Variants in HERC1 observed in about 807,000 individuals in gnomAD.
HERC1 encodes probable E3 ubiquitin-protein ligase HERC1.
In HERC1, 160 loss-of-function variants were observed where a neutral mutation model predicts 554.3. That is an observed-to-expected ratio of 0.29 (90% confidence interval 0.25 to 0.33). HERC1 has a LOEUF of 0.33. Ranked by LOEUF, HERC1 falls within the 10% of genes least tolerant of loss-of-function variation. HERC1 has a pLI of 1.00. For missense variants in HERC1, 4,919 were observed against 5,918.5 expected, an observed-to-expected ratio of 0.83 and a Z score of 5.54; for synonymous variants, 2,175 against 2,131.7, an observed-to-expected ratio of 1.02 and a Z score of -0.56.
At chr15:63,636,232 A>T in intron 64 of HERC1, 90 bp from the exon 65 acceptor site, 1 of 1,069,314 alleles carries the variant, frequency 9.4e-7, no homozygotes, top group East Asian at 2.5e-5. Flanking sequence ...TCAATCAAAA[A>T]CCACCGAATT....
At chr15:63,613,467 T>C (rs564150196) in intron 76 of HERC1, among the ~76,000 whole-genome samples, 2 of 152,294 alleles carry the variant, frequency 1.3e-5, no homozygotes, top group Non-Finnish European at 2.9e-5. Flanking sequence ...AAATACTTCT[T>C]TGCTCTTGGC....
chr15:63,695,873 C>G (rs2072381137), intron 27 of HERC1, among the ~76,000 whole-genome samples: 1 of 152,186 alleles, frequency 6.6e-6, no homozygotes, highest in South Asian at 2.1e-4. Context: ...TGGATCTATT[C>G]CCATCCAAAC....
In HERC1 at chr15:63,674,906, C is replaced by A. The variant is rs1476661413; in HGVS notation, c.7282G>T (p.Val2428Phe). Residue 2428 changes from valine (V) to phenylalanine (F), a missense_variant, in exon 38 of 78, where the codon GTT becomes TTT. Around this residue, in one of 11 missense-constraint regions of HERC1, gnomAD observed 1,963 missense variants for 2,228.6 expected, o/e 0.88. Transcript: ENST00000443617. Reference sequence around the variant, plus strand: ...GATTCACTCTCAGGTTTCTGCTCAACATCCCCTTTCTCCTCGGATTCATGT... The same window carrying A: ...GATTCACTCTCAGGTTTCTGCTCAAAATCCCCTTTCTCCTCGGATTCATGT... ...HRHESEEKGD[V>F]EQKPESESAL... is the part of the protein sequence containing the mutation. 6.2e-7 allele frequency: 1 copy of A among 1,614,042 alleles called. No individual in the cohort carries two copies. Among genetic ancestry groups the A allele is most frequent in the South Asian group, 1.1e-5 (1 of 91,082 alleles).
At chr15:63,706,917 T>C in intron 24 of HERC1, 86 bp from the exon 25 acceptor site, 1 of 819,246 alleles carries the variant, frequency 1.2e-6, no homozygotes. Flanking sequence ...AGAATAGAAA[T>C]TCATGTAATT....
chr15:63,685,398 C>A (rs897328565), intron 34 of HERC1, among the ~76,000 whole-genome samples: 2 of 152,168 alleles, frequency 1.3e-5, no homozygotes, highest in Non-Finnish European at 2.9e-5. Context: ...ATTATAAATT[C>A]TTTGTTTCCA....
At chr15:63,765,930 T>TG (rs1381634424) in intron 2 of HERC1, among the ~76,000 whole-genome samples, 3 of 152,076 alleles carry the variant, frequency 2.0e-5, no homozygotes, top group Non-Finnish European at 4.4e-5. Flanking sequence ...TCTAAACTGA[T>TG]AGAGAAAGAT....
chr15:63,769,927 A>C (rs1164225930), intron 2 of HERC1, among the ~76,000 whole-genome samples: 1 of 152,106 alleles, frequency 6.6e-6, no homozygotes, highest in African/African-American at 2.4e-5. Flanking sequence ...TACCATACTA[A>C]ATGACAATTT....
chr15:63,704,616 A>T (rs924207487), intron 25 of HERC1, among the ~76,000 whole-genome samples: 14 of 152,196 alleles, frequency 9.2e-5, no homozygotes, highest in Admixed American at 2.6e-4. Flanking sequence ...TGTTCCAAAA[A>T]TTTAATTCCT....
chr15:63,646,941 T>A (rs1179590562), intron 55 of HERC1, among the ~76,000 whole-genome samples: 1 of 151,874 alleles, frequency 6.6e-6, no homozygotes, highest in East Asian at 1.9e-4. Flanking sequence ...ACATCACTAA[T>A]CATCAGAGAA....
At chr15:63,787,527 A>G (rs147829785) in intron 1 of HERC1, among the ~76,000 whole-genome samples, 4 of 152,284 alleles carry the variant, frequency 2.6e-5, no homozygotes, top group Admixed American at 2.6e-4. Flanking sequence ...AGGGTATGTT[A>G]CTGAAAGAAG....
chr15:63,735,656 G>C (rs1356345016), intron 12 of HERC1, among the ~76,000 whole-genome samples: 1 of 152,010 alleles, frequency 6.6e-6, no homozygotes, highest in Non-Finnish European at 1.5e-5. Flanking sequence ...AACTTCTCTG[G>C]GTCATGGCTT....
chr15:63,651,201 A>G, intron 53 of HERC1, 52 bp downstream of exon 53: 2 of 1,559,788 alleles, frequency 1.3e-6, no homozygotes, highest in Non-Finnish European at 1.8e-6. Context: ...ACTAAGAAGA[A>G]GGCTTTAAAA....
chr15:63,777,377 T>C (rs2143007122), intron 1 of HERC1, among the ~76,000 whole-genome samples: 1 of 152,208 alleles, frequency 6.6e-6, no homozygotes, highest in Non-Finnish European at 1.5e-5. Context: ...ACACCAGCAT[T>C]GTGCAGAGGA....
intron 76 of HERC1, among the ~76,000 whole-genome samples, chr15:63,613,582 C>T (rs1019723388): frequency 1.3e-5 from 2 of 152,084 alleles, no homozygotes; most frequent in African/African-American, 2.4e-5. Flanking sequence ...TGTTAATTTG[C>T]TTCACTATAA....
At chr15:63,776,728 C>T (rs1439292404) in intron 1 of HERC1, among the ~76,000 whole-genome samples, 3 of 152,212 alleles carry the variant, frequency 2.0e-5, no homozygotes, top group Middle Eastern at 3.4e-3. Context: ...CATTCAGGGA[C>T]GCCAAGGCAG....
At chr15:63,826,636 C>A (rs1451036019) in intron 1 of HERC1, among the ~76,000 whole-genome samples, 1 of 151,214 alleles carries the variant, frequency 6.6e-6, no homozygotes, top group Non-Finnish European at 1.5e-5. Flanking sequence ...ACTTTACCTG[C>A]ACATAATAAG....
intron 8 of HERC1, among the ~76,000 whole-genome samples, chr15:63,752,310 G>C (rs566640434): frequency 9.9e-5 from 15 of 152,282 alleles, no homozygotes; most frequent in African/African-American, 3.1e-4. Context: ...TAAGTGGCCA[G>C]CTCACTTTTT....
chr15:63,754,590 T>C lies in HERC1; in HGVS notation c.1689A>G (p.Val563=). The change falls in exon 7 of 78, where the codon GTA becomes GTG. Residue 563 remains valine (V), a synonymous_variant. Transcript: ENST00000443617. The part of the protein sequence containing the change: ...IPTLVKDISN[V]GEVSCGSSHT... ...GTGAACTGCCACAAGAAACCTCTCC[T>C]ACATTGCTGATGTCTTTTACTAATG... The C allele has an allele frequency of 6.2e-7, 1 of 1,613,514 alleles. No individual in the cohort carries two copies. The highest frequency in any genetic ancestry group is 8.5e-7 in the Non-Finnish European group (1 of 1,179,530).
At chr15:63,679,239 G>A (rs2071354607) in intron 36 of HERC1, among the ~76,000 whole-genome samples, 1 of 152,178 alleles carries the variant, frequency 6.6e-6, no homozygotes, top group South Asian at 2.1e-4. Context: ...ATCAGGCACT[G>A]GGCTGCATCT....
Sources: gnomAD v4.1 joint callset for allele counts (sites outside exome capture counted in the v4.1 genomes callset) on GRCh38, gnomAD v4.1.1 for gene constraint, gnomAD v4.1.1 regional missense constraint, MANE v1.5 for transcripts, NCBI Gene and HGNC (gene_info 2026-07-23, HGNC 2026-07-21) for gene names.